The following LCLAT1 variants were observed in gnomAD, a reference collection of about 807,000 sequenced individuals.
LCLAT1 encodes 1-AGP acyltransferase 8.
In LCLAT1, 11 loss-of-function variants were observed where a neutral mutation model predicts 30.7. That is an observed-to-expected ratio of 0.36 (90% CI 0.23 to 0.59). The LOEUF is 0.59. Among genes scored for constraint, LCLAT1 ranks in the 20% least tolerant of loss-of-function variants. The pLI is 0.77. For missense variants in LCLAT1, 402 were observed against 458.6 expected (o/e 0.88, Z 1.13); for synonymous variants, 155 against 151.3 (o/e 1.02, Z -0.18).
intron 1 of LCLAT1, among the ~76,000 whole-genome samples, chr2:30,516,879 T>G (rs898726679): frequency 6.6e-6 from 1 of 152,202 alleles, no homozygotes; most frequent in Non-Finnish European, 1.5e-5. Context: ...TGAGGCTTTC[T>G]GGGAAAAGGC....
intron 1 of LCLAT1, among the ~76,000 whole-genome samples, chr2:30,519,098 A>G (rs1266040639): frequency 1.3e-5 from 2 of 152,186 alleles, no homozygotes; most frequent in Non-Finnish European, 2.9e-5. Context: ...ATCCAAAGGC[A>G]CCTGGGCCCT....
At chr2:30,599,210 G>C (rs561302235) in intron 5 of LCLAT1, among the ~76,000 whole-genome samples, 66 of 152,232 alleles carry the variant, frequency 4.3e-4, no homozygotes, top group Non-Finnish European at 7.5e-4. Flanking sequence ...TCAAACTCCT[G>C]ACCTCAAGTG....
At chr2:30,594,248 G>A (rs1572670588) in intron 5 of LCLAT1, among the ~76,000 whole-genome samples, 1 of 152,052 alleles carries the variant, frequency 6.6e-6, no homozygotes, top group Non-Finnish European at 1.5e-5. Context: ...CAGAATACAT[G>A]TGTTTCTCCA....
chr2:30,599,340 G>A (rs1024403623), intron 5 of LCLAT1, among the ~76,000 whole-genome samples: 3 of 152,170 alleles, frequency 2.0e-5, no homozygotes, highest in African/African-American at 7.2e-5. Context: ...CTGAGAGACT[G>A]TTATGATTTC....
intron 5 of LCLAT1, among the ~76,000 whole-genome samples, chr2:30,569,587 A>T (rs905438266): frequency 1.6e-5 from 2 of 123,562 alleles, no homozygotes; most frequent in Admixed American, 9.3e-5. Context: ...AAAGTCTTGA[A>T]CCATTATGTA....
chr2:30,605,975 A>T (rs751286935), intron 5 of LCLAT1: 5 of 1,269,340 alleles, frequency 3.9e-6, no homozygotes, highest in African/African-American at 1.6e-5. Context: ...TCTTGCTACC[A>T]TGAGAATCTA....
intron 1 of LCLAT1, among the ~76,000 whole-genome samples, chr2:30,521,920 A>G (rs1215891263): frequency 6.6e-6 from 1 of 152,190 alleles, no homozygotes; most frequent in East Asian, 1.9e-4. Context: ...CTGGAATGTC[A>G]TATAAATGAA....
intron 1 of LCLAT1, among the ~76,000 whole-genome samples, chr2:30,470,344 G>C (rs1682712609): frequency 6.6e-6 from 1 of 152,150 alleles, no homozygotes; most frequent in South Asian, 2.1e-4. Flanking sequence ...ATAGTGTCTT[G>C]TTATTATTTA....
At chr2:30,624,481 C>T (rs1668411793) in intron 5 of LCLAT1, among the ~76,000 whole-genome samples, 1 of 152,078 alleles carries the variant, frequency 6.6e-6, no homozygotes, top group African/African-American at 2.4e-5. Flanking sequence ...CTATATTAGA[C>T]AAAACAAACT....
chr2:30,526,711 A>G (rs1178255844), intron 2 of LCLAT1, among the ~76,000 whole-genome samples: 1 of 152,090 alleles, frequency 6.6e-6, no homozygotes, highest in Non-Finnish European at 1.5e-5. Flanking sequence ...CGTACCTAGC[A>G]TTTTGCTAGG....
chr2:30,623,586 A>AG (rs774135134), intron 5 of LCLAT1, among the ~76,000 whole-genome samples: 3 of 152,158 alleles, frequency 2.0e-5, no homozygotes, highest in East Asian at 1.9e-4. Flanking sequence ...GGGAAAAAAA[A>AG]AACAACAAAG....
intron 1 of LCLAT1, among the ~76,000 whole-genome samples, chr2:30,502,526 A>G (rs1377243480): frequency 6.6e-6 from 1 of 151,752 alleles, no homozygotes; most frequent in Non-Finnish European, 1.5e-5. Context: ...TCACATTCCC[A>G]CTGTCCCCAG....
chr2:30,552,106 T>C (rs1664706891), intron 3 of LCLAT1, among the ~76,000 whole-genome samples: 1 of 152,230 alleles, frequency 6.6e-6, no homozygotes, highest in African/African-American at 2.4e-5. Flanking sequence ...ATAGGTCCTC[T>C]CAGTGTGCAA....
intron 1 of LCLAT1, among the ~76,000 whole-genome samples, chr2:30,474,284 A>G (rs993639857): frequency 2.0e-5 from 3 of 152,216 alleles, no homozygotes; most frequent in Admixed American, 6.5e-5. Flanking sequence ...CAGTTAACCC[A>G]TAGTCTATAC....
intron 1 of LCLAT1, among the ~76,000 whole-genome samples, chr2:30,468,461 A>T (rs1211986577): frequency 2.0e-5 from 3 of 151,966 alleles, no homozygotes; most frequent in Non-Finnish European, 4.4e-5. Context: ...CATTGTGGTC[A>T]TTTGTAAATG....
chr2:30,584,253 C>T (rs932015497), intron 5 of LCLAT1, among the ~76,000 whole-genome samples: 12 of 152,164 alleles, frequency 7.9e-5, no homozygotes, highest in Non-Finnish European at 1.5e-4. Flanking sequence ...TAGTTACATG[C>T]GTGAACCTCT....
intron 5 of LCLAT1, among the ~76,000 whole-genome samples, chr2:30,596,230 G>A (rs145634297): frequency 0.13 from 19,560 of 151,932 alleles, 1,390 homozygotes; most frequent in South Asian, 0.23. Context: ...GCCTTCCACA[G>A]TGGTTGAACT....
At chr2:30,474,632 G>T (rs772716411) in intron 1 of LCLAT1, among the ~76,000 whole-genome samples, 3 of 147,708 alleles carry the variant, frequency 2.0e-5, no homozygotes, top group African/African-American at 7.4e-5. Context: ...TTAATGATTT[G>T]GTTTTAAATA....
chr2:30,624,933 T>G (rs1668434855), intron 5 of LCLAT1, among the ~76,000 whole-genome samples: 1 of 151,950 alleles, frequency 6.6e-6, no homozygotes, highest in Admixed American at 6.5e-5. Flanking sequence ...CACAACAGAA[T>G]AAAACTGGAA....
Sources: gnomAD v4.1 joint callset for allele counts (sites outside exome capture counted in the v4.1 genomes callset) on GRCh38, gnomAD v4.1.1 for gene constraint, MANE v1.5 for transcripts, NCBI Gene and HGNC (gene_info 2026-07-23, HGNC 2026-07-21) for gene names.